Variants in MKLN1 observed in about 807,000 individuals in gnomAD.
MKLN1 encodes the protein muskelin.
Under a neutral mutation model 99.0 loss-of-function variants are expected in MKLN1, and 18 were observed. The observed-to-expected ratio is 0.18, with a 90% CI of 0.13 to 0.27. The LOEUF is 0.27. Ranked by LOEUF, MKLN1 falls within the 10% of genes least tolerant of loss-of-function variation. The pLI is 1.00. For missense variants in MKLN1, 621 were observed against 875.9 expected, an observed-to-expected ratio of 0.71 and a Z score of 3.67; for synonymous variants, 288 against 293.2, an observed-to-expected ratio of 0.98 and a Z score of 0.18.
chr7:131,157,634 C>T (rs1186515243), intron 2 of MKLN1, among the ~76,000 whole-genome samples: 2 of 152,112 alleles, frequency 1.3e-5, no homozygotes, highest in Admixed American at 6.6e-5. Flanking sequence ...CCAACATTAT[C>T]ATTATTGTTT....
intron 12 of MKLN1, among the ~76,000 whole-genome samples, chr7:131,462,067 C>G (rs999474023): frequency 2.6e-5 from 4 of 152,134 alleles, no homozygotes; most frequent in South Asian, 2.1e-4. Context: ...GAGTCTTACT[C>G]TGTCACTCAG....
At chr7:131,457,236 C>T (rs892119438) in intron 12 of MKLN1, among the ~76,000 whole-genome samples, 1 of 150,924 alleles carries the variant, frequency 6.6e-6, no homozygotes, top group Admixed American at 6.6e-5. Context: ...GAAACTGTGC[C>T]ATTGCACTCC....
At chr7:131,455,920 C>T (rs1796322647) in intron 12 of MKLN1, among the ~76,000 whole-genome samples, 1 of 152,096 alleles carries the variant, frequency 6.6e-6, no homozygotes, top group Admixed American at 6.6e-5. Context: ...GTGATGCACG[C>T]CTGTTGTCCC....
At chr7:131,364,044 A>C (rs192411733) in intron 1 of MKLN1, among the ~76,000 whole-genome samples, 1 of 152,236 alleles carries the variant, frequency 6.6e-6, no homozygotes, top group East Asian at 1.9e-4. Flanking sequence ...TAAAATTGGG[A>C]AATACTTGTG....
Position 131,156,402 on chromosome 7 carries a change from C to G in MKLN1, c.-297+13461C>G, listed in dbSNP as rs545008075. ...AATTAGCCGGGCGTGGAGGCGAGAT[C>G]GCGCCACTGCACTCCAGCCTGGGTG... On this transcript the variant is annotated intron_variant, in intron 2 of 7. Transcript: ENST00000416992. Among the ~76,000 whole-genome samples the G allele has an allele frequency of 2.1e-4, 30 of 141,962 alleles. 1 individual carries two copies. In the East Asian group the frequency reaches 6.2e-3, roughly 29 times the overall value. 93.1% of individuals were successfully genotyped at this position (141,962 alleles called of 152,430 possible).
intron 2 of MKLN1, among the ~76,000 whole-genome samples, 178 bp downstream of exon 2, chr7:131,375,671 A>G (rs1036623926): frequency 6.6e-6 from 1 of 152,096 alleles, no homozygotes; most frequent in Non-Finnish European, 1.5e-5. Flanking sequence ...TTTATCTCAT[A>G]GGCAAATGCA....
chr7:131,216,937 T>TGA (rs1796991627), intron 3 of MKLN1, among the ~76,000 whole-genome samples: 1 of 151,828 alleles, frequency 6.6e-6, no homozygotes, highest in Admixed American at 6.5e-5. Context: ...TCCCATGAAC[T>TGA]GAGGAGACCC....
chr7:131,255,175 C>G (rs1797640860), intron 3 of MKLN1, among the ~76,000 whole-genome samples: 1 of 152,142 alleles, frequency 6.6e-6, no homozygotes, highest in African/African-American at 2.4e-5. Flanking sequence ...TTCCTGTCCT[C>G]AAGGGATCCT....
intron 3 of MKLN1, chr7:131,242,632 T>G (rs1797422005): frequency 3.7e-6 from 2 of 542,380 alleles, no homozygotes; most frequent in South Asian, 3.5e-5. Flanking sequence ...GTGCTTGTTC[T>G]GGCTGGATGC....
chr7:131,465,594 A>G (rs1267619883), intron 14 of MKLN1, among the ~76,000 whole-genome samples: 2 of 152,058 alleles, frequency 1.3e-5, no homozygotes, highest in Non-Finnish European at 2.9e-5. Flanking sequence ...GCTGGAGTAC[A>G]GTGGCGCAAT....
rs557339015 is a variant in MKLN1 at position 131,127,287 on chromosome 7, T to C, written c.-418-15533T>C. On this transcript the variant is annotated intron_variant, in intron 1 of 7. Transcript: ENST00000416992. ...CTACTTGGGATCTTGGAAGTGGCAGTGTAGCCAGTGACCACTAACAGGTGG... is the reference window on the plus strand; with the variant it reads ...CTACTTGGGATCTTGGAAGTGGCAGCGTAGCCAGTGACCACTAACAGGTGG... Among the ~76,000 whole-genome samples the C allele has an allele frequency of 2.6e-5, 4 of 152,268 alleles. No homozygotes were observed. In the South Asian group the frequency reaches 6.2e-4, roughly 24 times the overall value.
intron 17 of MKLN1, among the ~76,000 whole-genome samples, chr7:131,484,755 A>G (rs1021197687): frequency 1.3e-5 from 2 of 152,116 alleles, no homozygotes; most frequent in African/African-American, 4.8e-5. Flanking sequence ...CTACAAACAA[A>G]AGCAAAGAAA....
intron 3 of MKLN1, among the ~76,000 whole-genome samples, chr7:131,298,308 C>T (rs1798325584): frequency 1.3e-5 from 2 of 152,044 alleles, no homozygotes; most frequent in Admixed American, 1.3e-4. Flanking sequence ...CTCAGAGGTA[C>T]TGAGATATGA....
At chr7:131,228,436 TA>T (rs1178928128) in intron 3 of MKLN1, among the ~76,000 whole-genome samples, 4 of 152,202 alleles carry the variant, frequency 2.6e-5, no homozygotes, top group African/African-American at 9.6e-5. Context: ...TGTCAACATT[TA>T]AAAAATAGCT....
chr7:131,419,607 G>C (rs532761018), intron 8 of MKLN1, among the ~76,000 whole-genome samples: 100 of 152,216 alleles, frequency 6.6e-4, no homozygotes, highest in Non-Finnish European at 1.3e-3. Context: ...AAGTACTGCT[G>C]AACCAGGTAT....
chr7:131,235,509 G>A (rs563954743), intron 3 of MKLN1, among the ~76,000 whole-genome samples: 8 of 152,264 alleles, frequency 5.3e-5, no homozygotes, highest in African/African-American at 1.9e-4. Context: ...CAGACTTCTG[G>A]TGAGTTTTTG....
At chr7:131,273,256 G>T (rs555858683) in intron 3 of MKLN1, among the ~76,000 whole-genome samples, 1 of 152,340 alleles carries the variant, frequency 6.6e-6, no homozygotes, top group South Asian at 2.1e-4. Context: ...GTTCCCTAAT[G>T]AAGACACTGG....
intron 3 of MKLN1, among the ~76,000 whole-genome samples, chr7:131,265,114 A>G (rs1464535001): frequency 2.0e-5 from 3 of 152,188 alleles, no homozygotes; most frequent in Non-Finnish European, 4.4e-5. Context: ...TGCTGGGATT[A>G]CAGGCGTGAG....
At chr7:131,416,702 G>A (rs1210122354) in intron 8 of MKLN1, among the ~76,000 whole-genome samples, 1 of 151,728 alleles carries the variant, frequency 6.6e-6, no homozygotes, top group Non-Finnish European at 1.5e-5. Context: ...TTTCAGCTAG[G>A]CACAGTGACT....
Sources: allele counts gnomAD v4.1 joint callset (sites outside exome capture counted in the v4.1 genomes callset), GRCh38; gene constraint gnomAD v4.1.1; transcripts MANE v1.5; gene names NCBI Gene and HGNC (gene_info 2026-07-23, HGNC 2026-07-21).